FRAS1: variants seen among roughly 807,000 people sequenced by gnomAD.
FRAS1 encodes the protein extracellular matrix organizing protein FRAS1.
In FRAS1, 290 loss-of-function variants were observed where a neutral mutation model predicts 435.2. The ratio of observed to expected loss-of-function variants is 0.67; its 90% confidence interval spans 0.61 to 0.73. FRAS1 has a LOEUF of 0.73. Among genes scored for constraint, FRAS1 ranks in the 30% least tolerant of loss-of-function variants. The pLI is 0.00. For missense variants in FRAS1, 4,860 were observed against 5,001.5 expected (o/e 0.97, Z 0.85); for synonymous variants, 1,800 against 1,851.0 (o/e 0.97, Z 0.71).
At chr4:78,492,728 G>A (rs1720389360) in intron 59 of FRAS1, among the ~76,000 whole-genome samples, 2 of 151,198 alleles carry the variant, frequency 1.3e-5, no homozygotes, top group Non-Finnish European at 3.0e-5. Flanking sequence ...TTCAGGACAA[G>A]GACAAGGCAA....
intron 2 of FRAS1, among the ~76,000 whole-genome samples, chr4:78,201,328 A>G (rs547373704): frequency 6.6e-6 from 1 of 152,382 alleles, no homozygotes; most frequent in East Asian, 1.9e-4. Context: ...TTGATGAATT[A>G]GAAGTTAGGT....
intron 2 of FRAS1, among the ~76,000 whole-genome samples, chr4:78,210,426 T>C (rs1723454662): frequency 6.6e-6 from 1 of 152,232 alleles, no homozygotes; most frequent in African/African-American, 2.4e-5. Context: ...CCTAGGTCTA[T>C]ATCACTTGGA....
At chr4:78,320,241 T>A (rs1729447172) in intron 18 of FRAS1, among the ~76,000 whole-genome samples, 1 of 152,182 alleles carries the variant, frequency 6.6e-6, no homozygotes, top group Non-Finnish European at 1.5e-5. Context: ...CCATTTAAAC[T>A]CCTGTGGCTC....
In FRAS1 at chr4:78,482,471, A is replaced by G. The variant is rs1720040525; in HGVS notation, c.8688A>G (p.Ala2896=). Residue 2896 remains alanine (A), a synonymous_variant, in exon 58 of 74, where the codon GCA becomes GCG. Coordinates refer to ENST00000512123, the MANE Select transcript of FRAS1 (RefSeq NM_025074.7). ...LETFVVFLSS[A]QGAELTKPFQ... ...CATTTGTGGTTTTCCTCAGCTCAGC[A>G]CAAGGAGCCGAACTGACCAAACCCT... 1 of 1,613,950 alleles carries G rather than the reference A, an allele frequency of 6.2e-7. No homozygotes were observed. The highest frequency in any genetic ancestry group is 1.3e-5 in the African/African-American group (1 of 75,054).
rs1004244514 is a variant in FRAS1 at position 78,200,076 on chromosome 4, C to A, written c.109-37434C>A. On this transcript the variant is annotated intron_variant, in intron 2 of 73. Coordinates refer to ENST00000512123, the MANE Select transcript of FRAS1 (RefSeq NM_025074.7). ...TATAGGTAATAACAACCACCATCAC[C>A]ACCCTAACTGCCTGCTCATTCAATG... Among the ~76,000 whole-genome samples the A allele has an allele frequency of 2.0e-5, 3 of 152,170 alleles. No homozygotes were observed. In the East Asian group the frequency reaches 5.8e-4, roughly 29 times the overall value.
rs944827276 is a variant in FRAS1, at chr4:78,271,092, C to T, written c.981+3660C>T. Among the ~76,000 whole-genome samples, 2 of 152,130 alleles carry T rather than the reference C, an allele frequency of 1.3e-5. 1 individual carries two copies. The highest frequency in any genetic ancestry group is 1.3e-4 in the Admixed American group (2 of 15,278). On this transcript the variant is annotated intron_variant, in intron 9 of 73. Coordinates refer to ENST00000512123, the MANE Select transcript of FRAS1 (RefSeq NM_025074.7). ...TGCTACCAAAGACATCCAGTGCATC[C>T]AGAGACAACCAATGCTTCCATAATA...
At chr4:78,379,518 G>A (rs1292408042) in intron 26 of FRAS1, 11 of 548,784 alleles carry the variant, frequency 2.0e-5, no homozygotes, top group African/African-American at 7.7e-5. Context: ...TCCCTAGAGC[G>A]AGCTGACGGT....
intron 2 of FRAS1, among the ~76,000 whole-genome samples, chr4:78,200,040 A>G (rs1722982018): frequency 6.6e-6 from 1 of 152,212 alleles, no homozygotes. Flanking sequence ...TGATTTCTGT[A>G]CAGAAGTAGG....
At chr4:78,133,418 CA>C (rs1237433945) in intron 2 of FRAS1, among the ~76,000 whole-genome samples, 1 of 151,272 alleles carries the variant, frequency 6.6e-6, no homozygotes, top group African/African-American at 2.4e-5. Context: ...TTAATGAGTA[CA>C]AAAAGTTAGA....
At chr4:78,454,076 C>T (rs1719109848) in intron 47 of FRAS1, among the ~76,000 whole-genome samples, 1 of 151,138 alleles carries the variant, frequency 6.6e-6, no homozygotes, top group Admixed American at 6.6e-5. Flanking sequence ...CCTGGGAGAA[C>T]ACAGAGAGCA....
chr4:78,176,286 C>T (rs1721775003), intron 2 of FRAS1, among the ~76,000 whole-genome samples: 3 of 152,158 alleles, frequency 2.0e-5, no homozygotes, highest in Admixed American at 6.5e-5. Context: ...AATACAGCAT[C>T]CCATTTGTTC....
chr4:78,444,068 TG>T, intron 41 of FRAS1: 1 of 419,138 alleles, frequency 2.4e-6, no homozygotes. Flanking sequence ...TTGCCTAGTC[TG>T]GTCTTGAAGT....
chr4:78,081,046 C>A (rs1482089490), intron 2 of FRAS1, among the ~76,000 whole-genome samples: 1 of 152,102 alleles, frequency 6.6e-6, no homozygotes, highest in Non-Finnish European at 1.5e-5. Context: ...GGCCTAGGAT[C>A]CCCCTGGAAA....
chr4:78,265,526 G>A (rs180967872), intron 7 of FRAS1, among the ~76,000 whole-genome samples: 142 of 152,256 alleles, frequency 9.3e-4, no homozygotes, highest in Non-Finnish European at 7.4e-4. Context: ...AAAACCTGGC[G>A]GTGGTAGAAG....
chr4:78,104,293 T>G (rs1033132426), intron 2 of FRAS1, among the ~76,000 whole-genome samples: 1 of 152,248 alleles, frequency 6.6e-6, no homozygotes, highest in East Asian at 1.9e-4. Flanking sequence ...AATGTTAACA[T>G]GTTTGCTCCA....
At chr4:78,532,446 A>C (rs1217516074) in intron 70 of FRAS1, among the ~76,000 whole-genome samples, 3 of 152,204 alleles carry the variant, frequency 2.0e-5, no homozygotes, top group African/African-American at 7.2e-5. Context: ...ACACATAGTG[A>C]AATGATTACT....
intron 18 of FRAS1, among the ~76,000 whole-genome samples, chr4:78,323,131 G>T (rs1257267135): frequency 4.6e-5 from 7 of 152,164 alleles, no homozygotes; most frequent in African/African-American, 1.7e-4. Flanking sequence ...AATGAACTGG[G>T]TGCTTCACAA....
chr4:78,541,163 T>G lies in FRAS1; in HGVS notation c.*39T>G. 1 of 1,171,110 alleles carries G rather than the reference T, an allele frequency of 8.5e-7. No individual in the cohort carries two copies. The highest frequency in any genetic ancestry group is 1.1e-6 in the Non-Finnish European group (1 of 894,542). 72.5% of individuals were successfully genotyped at this position (1,171,110 alleles called of 1,614,324 possible). A position where few individuals can be genotyped will look rare whatever the true frequency, so the allele number is the denominator to read the frequency against. Reference sequence around the variant, plus strand: ...TGTGTATTTTTTTCTAAAATCATTTTTATAAAATGGGGGGAAATACTGGTA... The same window carrying G: ...TGTGTATTTTTTTCTAAAATCATTTGTATAAAATGGGGGGAAATACTGGTA... On this transcript the variant is annotated 3_prime_UTR_variant, in exon 74 of 74. Transcript: ENST00000512123.
chr4:78,518,804 CT>C (rs1721297484), intron 66 of FRAS1, among the ~76,000 whole-genome samples: 1 of 152,132 alleles, frequency 6.6e-6, no homozygotes, highest in Non-Finnish European at 1.5e-5. Flanking sequence ...TGCTCCGGCC[CT>C]TTGTTCCTGG....
Sources: allele counts gnomAD v4.1 joint callset (sites outside exome capture counted in the v4.1 genomes callset), GRCh38; gene constraint gnomAD v4.1.1; transcripts MANE v1.5; gene names NCBI Gene and HGNC (gene_info 2026-07-23, HGNC 2026-07-21).